Variants in KAZN observed in about 807,000 individuals in gnomAD.
The protein encoded by KAZN is kazrin.
KAZN carries 40 observed loss-of-function variants against 87.4 expected under a neutral mutation model. The ratio of observed to expected loss-of-function variants is 0.46; its 90% CI spans 0.36 to 0.60. The LOEUF (loss-of-function observed/expected upper bound fraction) is 0.60, where lower values mean the gene tolerates loss of function less well. KAZN is among the 20% of genes least tolerant of loss of function. The probability of loss-of-function intolerance (pLI) is 0.00; values close to 1 mark genes in which losing one functional copy is unlikely to be tolerated. For missense variants in KAZN, 898 were observed against 1,073.9 expected (o/e 0.84, Z 2.29); for synonymous variants, 466 against 458.3 (o/e 1.02, Z -0.22).
At position 14,856,330 on chromosome 1, in the gene KAZN, G is replaced by A. The variant is rs1650099087; in HGVS notation, c.227-104354G>A. ...CCTATGCATTCATGCCTAAGTGTGA[G>A]CTTGAACTGTACCAACCCTAGAGGT... On this transcript the variant is annotated intron_variant, in intron 1 of 14. Coordinates refer to ENST00000376030, the MANE Select transcript of KAZN (RefSeq NM_201628.3). This position sits in a 1 kb window ranked among gnomAD's most constrained non-coding sequence, Gnocchi z 5.2. Among the ~76,000 whole-genome samples the A allele has an allele frequency of 6.6e-6, 1 of 152,200 alleles. No individual in the cohort carries two copies. The highest frequency in any genetic ancestry group is 1.5e-5 in the Non-Finnish European group (1 of 68,044).
intron 2 of KAZN, among the ~76,000 whole-genome samples, chr1:14,432,065 A>G (rs1395663951): frequency 6.6e-6 from 1 of 151,940 alleles, no homozygotes; most frequent in African/African-American, 2.4e-5. Context: ...GAATTGTGCT[A>G]AAATCAAAGA....
chr1:14,063,481 A>G (rs898308627), intron 1 of KAZN, among the ~76,000 whole-genome samples: 3 of 152,160 alleles, frequency 2.0e-5, no homozygotes, highest in Non-Finnish European at 2.9e-5. Context: ...TGGGTGCCCA[A>G]TTGAGTACCC....
At chr1:14,380,245 A>G (rs1007874027) in intron 2 of KAZN, among the ~76,000 whole-genome samples, 15 of 152,236 alleles carry the variant, frequency 9.9e-5, no homozygotes, top group African/African-American at 3.6e-4. Flanking sequence ...CTTTCCAAGA[A>G]GGATGGGTAC....
intron 1 of KAZN, among the ~76,000 whole-genome samples, chr1:14,685,218 G>A (rs182914183): frequency 1.2e-3 from 183 of 152,318 alleles, no homozygotes; most frequent in Non-Finnish European, 3.5e-4. Flanking sequence ...TGGGAGAATG[G>A]AGCTTAATCC....
In KAZN at chr1:14,526,443, G is replaced by A. The variant is rs142956987; in HGVS notation, c.250-72540G>A. Among the ~76,000 whole-genome samples, 465 of 152,232 alleles carry A rather than the reference G, an allele frequency of 3.1e-3. 1 individual carries two copies. Among genetic ancestry groups the A allele is most frequent in the African/African-American group, 0.011 (439 of 41,536 alleles). ...GTTACAGCCATGTGCCAAGTGCCCC[G>A]GAGGTTTGAAATAAAACATTTCCCC... On this transcript the variant is annotated intron_variant, in intron 2 of 16. Transcript: ENST00000636203.
At chr1:14,419,583 C>A (rs140080562) in intron 2 of KAZN, among the ~76,000 whole-genome samples, 3 of 152,194 alleles carry the variant, frequency 2.0e-5, no homozygotes, top group African/African-American at 7.2e-5. Context: ...AAGCCGTGGA[C>A]CCTCGCGATT....
rs191152023 is a variant in KAZN, at chr1:14,247,985, C to T, written c.249+67393C>T. 2.0e-3 allele frequency among the ~76,000 whole-genome samples: 300 copies of T among 152,250 alleles called. 1 individual carries two copies. Among genetic ancestry groups the T allele is most frequent in the Non-Finnish European group, 2.9e-3 (197 of 68,028 alleles). ...TAACCTAATTAGGCGTGAACTCTAA[C>T]GCAATCGGTGCTTGTTTTTGCAGGT... On this transcript the variant is annotated intron_variant, in intron 2 of 16. Coordinates refer to the KAZN transcript ENST00000636203.
rs527340395 is a variant in KAZN at position 15,096,450 on chromosome 1, C to T, written c.1547+1517C>T. Among the ~76,000 whole-genome samples the T allele has an allele frequency of 1.0e-3, 159 of 152,318 alleles. 1 individual carries two copies. The highest frequency in any genetic ancestry group is 3.3e-3 in the African/African-American group (138 of 41,578). ...CACCGTCCTCTGCCTCCCAGGGGTG[C>T]GGCCTGCCCAGCCCCTGCCCCCGAC... is the stretch of plus-strand genomic sequence containing the variant. On this transcript the variant is annotated intron_variant, in intron 10 of 14. Coordinates refer to ENST00000376030, the MANE Select transcript of KAZN (RefSeq NM_201628.3). This position sits in a 1 kb window ranked among gnomAD's most constrained non-coding sequence, Gnocchi z 4.5.
rs376157846 is a variant in KAZN, at chr1:14,816,954, G to C, written c.227-143730G>C. 4.6e-5 allele frequency among the ~76,000 whole-genome samples: 7 copies of C among 152,300 alleles called. No individual in the cohort carries two copies. In the South Asian group the frequency reaches 6.2e-4, roughly 14 times the overall value. On this transcript the variant is annotated intron_variant, in intron 1 of 14. Transcript: ENST00000376030. ...CTATGGCCAGTAACTTGAGAGTTAA[G>C]TAGTATCATTTCTATTTTCTAGAAG...
chr1:14,382,579 T>C (rs1477637873), intron 2 of KAZN, among the ~76,000 whole-genome samples: 2 of 148,656 alleles, frequency 1.3e-5, no homozygotes, highest in Non-Finnish European at 3.0e-5. Context: ...TTTGGTTTTT[T>C]GTTCTCGCGA....
At chr1:14,890,495 T>C (rs1654581572) in intron 1 of KAZN, among the ~76,000 whole-genome samples, 1 of 126,702 alleles carries the variant, frequency 7.9e-6, no homozygotes, top group Non-Finnish European at 1.6e-5. Context: ...AAATTCCTGA[T>C]AGCAAATTTA....
At chr1:13,897,542 G>A (rs1272978480) in intron 1 of KAZN, among the ~76,000 whole-genome samples, 1 of 152,142 alleles carries the variant, frequency 6.6e-6, no homozygotes, top group Non-Finnish European at 1.5e-5. Context: ...GAAAGTCCTG[G>A]CAAGAACAGA....
At position 13,899,292 on chromosome 1, in the gene KAZN, A is replaced by G. The variant is rs183630518; in HGVS notation, c.91+5536A>G. ...CACCTTGTTGCATCCTCAGAAGGCA[A>G]GTGAAATCATCCCCATTTTATAGAT... is the stretch of plus-strand genomic sequence containing the variant. On this transcript the variant is annotated intron_variant, in intron 1 of 16. Coordinates refer to the KAZN transcript ENST00000636203. 6.6e-5 allele frequency among the ~76,000 whole-genome samples: 10 copies of G among 152,358 alleles called. 1 individual carries two copies. The South Asian group carries it at 1.7e-3, about 25-fold the overall frequency.
At position 14,944,416 on chromosome 1, in the gene KAZN, C is replaced by T. The variant is rs1035061843; in HGVS notation, c.227-16268C>T. Among the ~76,000 whole-genome samples the T allele has an allele frequency of 7.6e-4, 115 of 151,658 alleles. 1 individual carries two copies. Among genetic ancestry groups the T allele is most frequent in the Non-Finnish European group, 7.3e-5 (5 of 68,032 alleles). On this transcript the variant is annotated intron_variant, in intron 1 of 14. Transcript: ENST00000376030. ...CAGCTGTGGGGGCCCCCGTTGGTGT[C>T]CTACTTGGTTTCAGAAGCCATGCCT...
chr1:14,611,053 C>T (rs1157960091), intron 1 of KAZN, among the ~76,000 whole-genome samples: 1 of 152,138 alleles, frequency 6.6e-6, no homozygotes, highest in Non-Finnish European at 1.5e-5. Flanking sequence ...GAAGTTTATC[C>T]ACAGATCACA....
At chr1:14,221,812 A>C (rs1234256474) in intron 2 of KAZN, 1 of 152,200 alleles carries the variant, frequency 6.6e-6, no homozygotes, top group African/African-American at 2.4e-5. Flanking sequence ...CCTCTTAAAT[A>C]TATGCCCATG....
chr1:14,391,149 C>T (rs1378980668), intron 2 of KAZN, among the ~76,000 whole-genome samples: 1 of 152,144 alleles, frequency 6.6e-6, no homozygotes, highest in Non-Finnish European at 1.5e-5. Context: ...AGGAATGAGG[C>T]CCCAGTGCAT....
intron 2 of KAZN, among the ~76,000 whole-genome samples, chr1:14,982,972 C>T (rs1226765371): frequency 6.6e-6 from 1 of 152,224 alleles, no homozygotes; most frequent in Non-Finnish European, 1.5e-5. Flanking sequence ...CTCCTTGGAG[C>T]AATGTTGAGG....
At chr1:14,447,397 C>A (rs1187615289) in intron 2 of KAZN, among the ~76,000 whole-genome samples, 1 of 151,784 alleles carries the variant, frequency 6.6e-6, no homozygotes, top group East Asian at 1.9e-4. Flanking sequence ...TGCCACCACA[C>A]CGGGCTAATT....
Sources: allele counts gnomAD v4.1 joint callset (sites outside exome capture counted in the v4.1 genomes callset), GRCh38; gene constraint gnomAD v4.1.1; non-coding constraint Gnocchi (gnomAD v3.1); transcripts MANE v1.5; gene names NCBI Gene and HGNC (gene_info 2026-07-23, HGNC 2026-07-21).